Variants in SPTBN2 observed in about 807,000 individuals in gnomAD.
SPTBN2 encodes the protein spectrin beta chain, non-erythrocytic 2.
A neutral mutation model predicts 284.2 loss-of-function variants in SPTBN2; 107 were observed. That is an observed-to-expected ratio of 0.38 (90% CI 0.32 to 0.44). The LOEUF (loss-of-function observed/expected upper bound fraction) is 0.44, where lower values mean the gene tolerates loss of function less well. Among genes scored for constraint, SPTBN2 ranks in the 20% least tolerant of loss-of-function variants. The probability of loss-of-function intolerance (pLI) is 1.00; values close to 1 mark genes in which losing one functional copy is unlikely to be tolerated. For missense variants in SPTBN2, 2,569 were observed against 3,287.1 expected, an observed-to-expected ratio of 0.78 and a Z score of 5.34; for synonymous variants, 1,289 against 1,354.8, an observed-to-expected ratio of 0.95 and a Z score of 1.07.
intron 1 of SPTBN2, among the ~76,000 whole-genome samples, chr11:66,726,354 C>T (rs10791889): frequency 0.25 from 38,065 of 152,138 alleles, 4,832 homozygotes; most frequent in Middle Eastern, 0.32. Flanking sequence ...GTCACCCCCC[C>T]ATCCCCCAGT....
chr11:66,705,914 C>A, intron 13 of SPTBN2, 77 bp from the exon 14 acceptor site: 2 of 1,550,962 alleles, frequency 1.3e-6, no homozygotes, highest in African/African-American at 1.4e-5. Context: ...CTTCCAACTT[C>A]TCCACGGCCC....
In SPTBN2 at chr11:66,698,780, C is replaced by T. The variant is rs759645170; in HGVS notation, c.3873G>A (p.Lys1291=). ...QHFLQDCHEL[K]LWIDEKMLTA... is the part of the protein sequence containing the mutation. ...TCAGCATCTTCTCGTCGATCCAGAGCTTCAGCTGGACCAAACATAAAACAG... is the reference window on the plus strand; with the variant it reads ...TCAGCATCTTCTCGTCGATCCAGAGTTTCAGCTGGACCAAACATAAAACAG... Residue 1291 remains lysine (K), a synonymous_variant, in exon 20 of 38, where the codon AAG becomes AAA. Transcript: ENST00000533211. 46 of 1,613,500 alleles carry T rather than the reference C, an allele frequency of 2.9e-5. No individual in the cohort carries two copies. Among genetic ancestry groups the T allele is most frequent in the Non-Finnish European group, 3.1e-5 (37 of 1,180,040 alleles).
At position 66,701,656 on chromosome 11, in the gene SPTBN2, G is replaced by A. The variant is rs1426681442; in HGVS notation, c.2744C>T (p.Ala915Val). Residue 915 changes from alanine to valine, a missense_variant, in exon 16 of 38, where the codon GCC becomes GTC. This residue lies in a region of SPTBN2 where 1,012 missense variants were observed against 1,248.9 expected (regional missense o/e 0.81). Coordinates refer to ENST00000533211, the MANE Select transcript of SPTBN2 (RefSeq NM_006946.4). The part of the protein sequence containing the change: ...AAQITAVNDI[A>V]EQLLKANPPG... Reference sequence around the variant, plus strand: ...GGGGTTGGCCTTCAGTAACTGCTCGGCAATGTCATTCACCGCGGTGATTTG... The same window carrying A: ...GGGGTTGGCCTTCAGTAACTGCTCGACAATGTCATTCACCGCGGTGATTTG... The A allele has an allele frequency of 6.2e-7, 1 of 1,613,992 alleles. No individual in the cohort carries two copies. Among genetic ancestry groups the A allele is most frequent in the East Asian group, 2.2e-5 (1 of 44,850 alleles).
Position 66,700,465 on chromosome 11 carries a change from C to T in SPTBN2, c.3573+61G>A. Reference sequence around the variant, plus strand: ...CCTTCCTGCCCATCCTGCTCCTTCACATTTCCCCGGGTCCCTACTTTGCTC... The same window carrying T: ...CCTTCCTGCCCATCCTGCTCCTTCATATTTCCCCGGGTCCCTACTTTGCTC... On this transcript the variant is annotated intron_variant, in intron 17 of 37. Transcript: ENST00000533211. This position sits in a 1 kb window ranked among gnomAD's most constrained non-coding sequence, Gnocchi z 6.6. 1 of 1,596,532 alleles carries T rather than the reference C, an allele frequency of 6.3e-7. No homozygotes were observed. The highest frequency in any genetic ancestry group is 2.2e-5 in the East Asian group (1 of 44,864).
chr11:66,710,912 A>G lies in SPTBN2; in HGVS notation c.885+5T>C, dbSNP rs114331192. ...GCCTTTATGCCTACTGCCCATGGAC[A>G]GTACCTTGCCAATTCTCTTGCCTTC... On this transcript the variant is annotated splice_donor_5th_base_variant and intron_variant, in intron 9 of 37. Transcript: ENST00000533211. This position sits in a 1 kb window ranked among gnomAD's most constrained non-coding sequence, Gnocchi z 4.9. 2.0e-3 allele frequency: 3,285 copies of G among 1,614,070 alleles called. 72 individuals are homozygous for G. The African/African-American group carries it at 0.037, about 18-fold the overall frequency.
chr11:66,686,508 G>T (rs1940123791), intron 36 of SPTBN2, 68 bp from the exon 37 acceptor site: 2 of 1,570,746 alleles, frequency 1.3e-6, no homozygotes, highest in Admixed American at 1.7e-5. Context: ...GCTGGTGAGA[G>T]CGTAATCATG....
rs549470423 is a variant in SPTBN2 at position 66,716,479 on chromosome 11, CA to C, written c.158-499del. On this transcript the variant is annotated intron_variant, in intron 3 of 37. Transcript: ENST00000533211. ...TGGGCGACAGAGCAAGACTCCGTCT[CA>C]AAAAAAAAAAAGAAAAGAAAAGAAA... Among the ~76,000 whole-genome samples, 568 of 110,244 alleles carry C rather than the reference CA, an allele frequency of 5.2e-3. 4 individuals carry two copies. The highest frequency in any genetic ancestry group is 0.016 in the African/African-American group (455 of 29,218). 72.3% of individuals were successfully genotyped at this position (110,244 alleles called of 152,430 possible). A position where few individuals can be genotyped will look rare whatever the true frequency, so the allele number is the denominator to read the frequency against.
In SPTBN2 at chr11:66,693,002, G is replaced by C; in HGVS notation, c.4953C>G (p.Ser1651Arg). The change falls in exon 25 of 38, where the codon AGC (serine) becomes AGG (arginine). Residue 1651 changes from serine to arginine, a missense_variant. Transcript: ENST00000533211. The surrounding 1 kb of genome is among the most constrained non-coding windows in gnomAD (Gnocchi z 5.7). ...AQTIHQLAAS[S>R]QDMIDHEHPE... ...GGTGCTCGTGGTCAATCATGTCCTG[G>C]CTGCTGGCCGCCAGCTGGTGGATGG... The C allele has an allele frequency of 6.2e-7, 1 of 1,609,700 alleles. No homozygotes were observed. Among genetic ancestry groups the C allele is most frequent in the South Asian group, 1.1e-5 (1 of 91,072 alleles).
In SPTBN2 at chr11:66,701,675, T is replaced by C. The variant is rs754744110; in HGVS notation, c.2725A>G (p.Thr909Ala). ...TGCTCGGCAATGTCATTCACCGCGG[T>C]GATTTGTGCTGCAAGGGTGTTCATT... ...PEMNTLAAQITAVNDIAEQLL... is the reference protein window; with the variant it reads ...PEMNTLAAQIAAVNDIAEQLL... The change falls in exon 16 of 38, where the codon ACC becomes GCC. Residue 909 changes from threonine to alanine, a missense_variant. Coordinates refer to ENST00000533211, the MANE Select transcript of SPTBN2 (RefSeq NM_006946.4). 6.2e-7 allele frequency: 1 copy of C among 1,613,860 alleles called. No homozygotes were observed. The highest frequency in any genetic ancestry group is 1.7e-5 in the Admixed American group (1 of 59,998).
intron 8 of SPTBN2, chr11:66,712,871 G>A (rs184963014): frequency 1.1e-3 from 167 of 153,012 alleles, no homozygotes; most frequent in Non-Finnish European, 1.6e-3. Context: ...CCTGCTCCCA[G>A]GAGGTCACCA....
rs777394927 is a variant in SPTBN2, at chr11:66,696,528, G to C, written c.4027C>G (p.Leu1343Val). 2 of 1,611,480 alleles carry C rather than the reference G, an allele frequency of 1.2e-6. No individual in the cohort carries two copies. Among genetic ancestry groups the C allele is most frequent in the Non-Finnish European group, 1.7e-6 (2 of 1,180,036 alleles). ...LDKVDKEGRELTLEKPELKAL... is the reference protein window; with the variant it reads ...LDKVDKEGREVTLEKPELKAL... ...TTCAGCTCTGGCTTCTCAAGGGTGA[G>C]CTCTCGCCCTTCCTGGAAGGCAGGA... Residue 1343 changes from leucine to valine, a missense_variant, in exon 21 of 38, where the codon CTC becomes GTC. Leu to Val is a conservative substitution (Grantham distance 32). This residue lies in a region of SPTBN2 where 50 missense variants were observed against 48.1 expected (regional missense o/e 1.04). Transcript: ENST00000533211.
rs1362950272 is a variant in SPTBN2, at chr11:66,708,141, C to G, written c.1350G>C (p.Gln450His). ...GCATCCTAGGAGCCTCAAGTCCTAC[C>G]TGGGACACGAGGCGCTGGTTCTCGC... is the stretch of plus-strand genomic sequence containing the variant. The part of the protein sequence containing the change: ...WLSENQRLVS[Q>H]DNFGLELAAV... The change falls in exon 12 of 38, where the codon CAG becomes CAC. Residue 450 changes from glutamine (Q) to histidine (H), a missense_variant and splice_region_variant. By Grantham distance (24) the Gln-to-His change is conservative. Transcript: ENST00000533211. The surrounding 1 kb of genome is among the most constrained non-coding windows in gnomAD (Gnocchi z 4.4). 22 of 1,613,216 alleles carry G rather than the reference C, an allele frequency of 1.4e-5. No homozygotes were observed. Among genetic ancestry groups the G allele is most frequent in the Non-Finnish European group, 1.8e-5 (21 of 1,179,920 alleles).
At position 66,687,555 on chromosome 11, in the gene SPTBN2, C is replaced by A. The variant is rs1565108819; in HGVS notation, c.6594G>T (p.Arg2198Ser). 1 of 1,612,292 alleles carries A rather than the reference C, an allele frequency of 6.2e-7. No individual in the cohort carries two copies. The highest frequency in any genetic ancestry group is 2.2e-5 in the East Asian group (1 of 44,876). The change falls in exon 35 of 38, where the codon AGG (arginine) becomes AGT (serine). Residue 2198 changes from arginine (R) to serine (S), a missense_variant. Arg to Ser is a moderately radical substitution (Grantham distance 110, BLOSUM62 -1). This residue lies in a region of SPTBN2 where 1,130 missense variants were observed against 1,317.3 expected (regional missense o/e 0.86). Transcript: ENST00000533211. This position sits in a 1 kb window ranked among gnomAD's most constrained non-coding sequence, Gnocchi z 5.2. ...GPAPSAMPQS[R>S]STESAHAATL... ...TGGCAGCATGGGCTGACTCGGTAGA[C>A]CTGCTCTGGGGCATTGCAGATGGGG...
In SPTBN2 at chr11:66,715,293, A is replaced by G; in HGVS notation, c.412T>C (p.Ser138Pro). 6.2e-7 allele frequency: 1 copy of G among 1,614,194 alleles called. No individual in the cohort carries two copies. Among genetic ancestry groups the G allele is most frequent in the Non-Finnish European group, 8.5e-7 (1 of 1,180,034 alleles). Residue 138 changes from serine (S) to proline (P), a missense_variant, in exon 5 of 38, where the codon TCC becomes CCC. By Grantham distance (74) the Ser-to-Pro change is moderately conservative. This residue lies in a region of SPTBN2 where 304 missense variants were observed against 522.1 expected (regional missense o/e 0.58). Transcript: ENST00000533211. The surrounding 1 kb of genome is among the most constrained non-coding windows in gnomAD (Gnocchi z 5.3). ...TGGTTTCCGTCCACAATGTCATGGG[A>G]GCCCATGTTTTCCAAGTGCACTTTC... ...EQKVHLENMG[S>P]HDIVDGNHRL... is the part of the protein sequence containing the mutation.
In SPTBN2 at chr11:66,715,217, G is replaced by C; in HGVS notation, c.483+5C>G. 1 of 1,614,194 alleles carries C rather than the reference G, an allele frequency of 6.2e-7. No individual in the cohort carries two copies. Among genetic ancestry groups the C allele is most frequent in the South Asian group, 1.1e-5 (1 of 91,080 alleles). ...CACACCCTGTGTGACAGTGTGCTGG[G>C]GTACCTGGAATCGAAGGATGATGGT... On this transcript the variant is annotated splice_donor_5th_base_variant and intron_variant, in intron 5 of 37. Coordinates refer to ENST00000533211, the MANE Select transcript of SPTBN2 (RefSeq NM_006946.4). The surrounding 1 kb of genome is among the most constrained non-coding windows in gnomAD (Gnocchi z 5.3).
In SPTBN2 at chr11:66,693,309, C is replaced by T. The variant is rs1208661526; in HGVS notation, c.4731G>A (p.Leu1577=). 1 of 1,612,950 alleles carries T rather than the reference C, an allele frequency of 6.2e-7. No individual in the cohort carries two copies. The highest frequency in any genetic ancestry group is 8.5e-7 in the Non-Finnish European group (1 of 1,180,038). ...CCTCCAGTCGCTTCCCTCGAAGTTC[C>T]AGCTCGTGGCCCAGGCGTTTCCACA... The part of the protein sequence containing the change: ...QEMWKRLGHE[L]ELRGKRLEDA... The change falls in exon 24 of 38, where the codon CTG becomes CTA. Residue 1577 remains leucine, a synonymous_variant. Coordinates refer to ENST00000533211, the MANE Select transcript of SPTBN2 (RefSeq NM_006946.4). The surrounding 1 kb of genome is among the most constrained non-coding windows in gnomAD (Gnocchi z 5.7).
chr11:66,707,797 C>G lies in SPTBN2; in HGVS notation c.1372G>C (p.Ala458Pro). ...VSQDNFGLEL[A>P]AVEAAVRKHE... ...TTCCGTACTGCTGCCTCGACAGCTG[C>G]CAGCTCCAGCCCAAAGTTGTCCTGT... The change falls in exon 13 of 38, where the codon GCA becomes CCA. Residue 458 changes from alanine to proline, a missense_variant. Ala to Pro is a conservative substitution (Grantham distance 27, BLOSUM62 -1). This residue lies in a region of SPTBN2 where 1,012 missense variants were observed against 1,248.9 expected (regional missense o/e 0.81). Transcript: ENST00000533211. This position sits in a 1 kb window ranked among gnomAD's most constrained non-coding sequence, Gnocchi z 4.9. 6 of 1,609,484 alleles carry G rather than the reference C, an allele frequency of 3.7e-6. No homozygotes were observed. The highest frequency in any genetic ancestry group is 5.1e-6 in the Non-Finnish European group (6 of 1,179,900).
chr11:66,692,388 T>A (rs1940618580), intron 26 of SPTBN2, 148 bp downstream of exon 26: 1 of 901,576 alleles, frequency 1.1e-6, no homozygotes, highest in Non-Finnish European at 1.7e-6. Flanking sequence ...TCAAATCATA[T>A]ACCTCAAAAC....
chr11:66,683,063 A>ATTTTTTTTTTTTTT lies in SPTBN2; in HGVS notation c.*2794_*2807dup, dbSNP rs55950324. On this transcript the variant is annotated 3_prime_UTR_variant, in exon 38 of 38. Coordinates refer to ENST00000533211, the MANE Select transcript of SPTBN2 (RefSeq NM_006946.4). Reference sequence around the variant, plus strand: ...ACCACCATGCCTGGCCAAGTAATCCATTTTTTTTTTTTTTTTTTTTTTGAG... The same window carrying ATTTTTTTTTTTTTT: ...ACCACCATGCCTGGCCAAGTAATCCATTTTTTTTTTTTTTTTTTTTTTTTTTTTTTTTTTTTGAG... Among the ~76,000 whole-genome samples, 1 of 95,730 alleles carries ATTTTTTTTTTTTTT rather than the reference A, an allele frequency of 1.0e-5. No homozygotes were observed. The allele number at this position is 95,730 out of a possible 152,430, so 62.8% of individuals were successfully genotyped here. A position where few individuals can be genotyped will look rare whatever the true frequency, so the allele number is the denominator to read the frequency against.
Sources: gnomAD v4.1 joint callset for allele counts (sites outside exome capture counted in the v4.1 genomes callset) on GRCh38, gnomAD v4.1.1 for gene constraint, gnomAD v4.1.1 regional missense constraint, Gnocchi (gnomAD v3.1) non-coding constraint, MANE v1.5 for transcripts, NCBI Gene and HGNC (gene_info 2026-07-23, HGNC 2026-07-21) for gene names.